Variants in ZNF804B observed in about 807,000 individuals in gnomAD.
ZNF804B encodes the protein zinc finger protein 804B.
Under a neutral mutation model 101.4 loss-of-function variants are expected in ZNF804B, and 80 were observed. The observed-to-expected ratio is 0.79, with a 90% confidence interval of 0.66 to 0.95. The LOEUF is 0.95. Among genes scored for constraint, ZNF804B ranks in the 40% least tolerant of loss-of-function variants. The pLI, the probability that ZNF804B is intolerant of heterozygous loss-of-function variation, is 0.00. For missense variants in ZNF804B, 1,673 were observed against 1,561.9 expected, an observed-to-expected ratio of 1.07 and a Z score of -1.20; for synonymous variants, 622 against 558.8, an observed-to-expected ratio of 1.11 and a Z score of -1.59.
Position 89,338,054 on chromosome 7 carries a change from G to T in ZNF804B, c.*1022G>T, listed in dbSNP as rs375945025. 6.6e-6 allele frequency among the ~76,000 whole-genome samples: 1 copy of T among 152,016 alleles called. No individual in the cohort carries two copies. The highest frequency in any genetic ancestry group is 1.5e-5 in the Non-Finnish European group (1 of 67,964). ...AATGATGAATAAATTCACCATCCATGTAATGTTGCAAATAATTTCAAACAT... is the reference window on the plus strand; with the variant it reads ...AATGATGAATAAATTCACCATCCATTTAATGTTGCAAATAATTTCAAACAT... On this transcript the variant is annotated 3_prime_UTR_variant, in exon 4 of 4. Transcript: ENST00000333190.
chr7:88,975,841 A>G (rs1793608906), intron 1 of ZNF804B, among the ~76,000 whole-genome samples: 1 of 151,356 alleles, frequency 6.6e-6, no homozygotes, highest in African/African-American at 2.4e-5. Flanking sequence ...CCCAAAGTGC[A>G]TGCAACCAAA....
intron 1 of ZNF804B, among the ~76,000 whole-genome samples, chr7:89,093,942 T>C (rs1393297514): frequency 2.0e-5 from 3 of 152,218 alleles, no homozygotes; most frequent in African/African-American, 2.4e-5. Flanking sequence ...TCACTACTGA[T>C]TGGCAGCTTA....
chr7:89,066,266 C>T (rs563264130), intron 1 of ZNF804B, among the ~76,000 whole-genome samples: 33 of 152,088 alleles, frequency 2.2e-4, no homozygotes, highest in African/African-American at 7.9e-4. Flanking sequence ...GTAATGGCTT[C>T]CCAGGAGTAG....
intron 1 of ZNF804B, among the ~76,000 whole-genome samples, chr7:88,855,457 T>A (rs1437192571): frequency 7.9e-5 from 12 of 152,022 alleles, no homozygotes; most frequent in Non-Finnish European, 1.8e-4. Flanking sequence ...GGTTGTTTGT[T>A]TTTTTCTTGT....
At chr7:88,830,953 A>T (rs1456637599) in intron 1 of ZNF804B, among the ~76,000 whole-genome samples, 1 of 151,890 alleles carries the variant, frequency 6.6e-6, no homozygotes, top group Admixed American at 6.6e-5. Flanking sequence ...TTCTTTAAGC[A>T]TTAGGAATAT....
At chr7:89,100,682 C>G (rs1013161375) in intron 1 of ZNF804B, among the ~76,000 whole-genome samples, 7 of 151,902 alleles carry the variant, frequency 4.6e-5, no homozygotes, top group Admixed American at 3.3e-4. Flanking sequence ...TAAAAGAAGA[C>G]ACACAAATGG....
chr7:88,916,936 C>G (rs1366801870), intron 1 of ZNF804B, among the ~76,000 whole-genome samples: 4 of 151,970 alleles, frequency 2.6e-5, no homozygotes, highest in Non-Finnish European at 2.9e-5. Context: ...GGTCTAGAAG[C>G]TTTAAAATTA....
At chr7:88,891,505 C>A (rs1207642597) in intron 1 of ZNF804B, among the ~76,000 whole-genome samples, 1 of 152,076 alleles carries the variant, frequency 6.6e-6, no homozygotes, top group Non-Finnish European at 1.5e-5. Flanking sequence ...GTAATCCAAT[C>A]TGATAATCTC....
At chr7:89,063,405 T>C (rs1789406116) in intron 1 of ZNF804B, among the ~76,000 whole-genome samples, 1 of 151,998 alleles carries the variant, frequency 6.6e-6, no homozygotes, top group Non-Finnish European at 1.5e-5. Flanking sequence ...CAAAAGAAAA[T>C]AGGAACCTAG....
intron 1 of ZNF804B, among the ~76,000 whole-genome samples, chr7:88,819,350 C>T (rs1790937668): frequency 6.6e-6 from 1 of 152,004 alleles, no homozygotes; most frequent in Non-Finnish European, 1.5e-5. Flanking sequence ...AGGCTGGCCT[C>T]GAACTCCTGA....
intron 1 of ZNF804B, among the ~76,000 whole-genome samples, chr7:88,762,502 C>T (rs995015451): frequency 4.6e-5 from 7 of 152,116 alleles, no homozygotes; most frequent in Non-Finnish European, 1.0e-4. Flanking sequence ...TGTGTGTTTG[C>T]CTTCCTTACT....
At chr7:88,845,305 A>ACGCGCGCG (rs1316798473) in intron 1 of ZNF804B, among the ~76,000 whole-genome samples, 88 of 151,122 alleles carry the variant, frequency 5.8e-4, no homozygotes, top group Non-Finnish European at 1.1e-3. Flanking sequence ...GCGCGCGCAC[A>ACGCGCGCG]CACACACACA....
chr7:89,284,656 G>T (rs1790153674), intron 2 of ZNF804B, among the ~76,000 whole-genome samples: 1 of 152,164 alleles, frequency 6.6e-6, no homozygotes, highest in African/African-American at 2.4e-5. Context: ...CAACTTTTAT[G>T]TGGGGGCAGG....
chr7:89,270,715 A>G (rs1789879643), intron 2 of ZNF804B, among the ~76,000 whole-genome samples: 1 of 152,066 alleles, frequency 6.6e-6, no homozygotes, highest in Non-Finnish European at 1.5e-5. Context: ...CTATTTTTCC[A>G]TTTGTTTGTG....
chr7:88,872,320 G>C (rs1358112362), intron 1 of ZNF804B, among the ~76,000 whole-genome samples: 2 of 152,046 alleles, frequency 1.3e-5, no homozygotes, highest in Non-Finnish European at 2.9e-5. Flanking sequence ...GGGAGGCCAA[G>C]GCAGGAAAAT....
At chr7:89,070,643 A>G (rs1055203802) in intron 1 of ZNF804B, among the ~76,000 whole-genome samples, 2 of 152,172 alleles carry the variant, frequency 1.3e-5, no homozygotes, top group African/African-American at 4.8e-5. Flanking sequence ...ACAGAATGAG[A>G]TGCAGCATGT....
At chr7:89,159,278 T>C (rs1043097422) in intron 1 of ZNF804B, among the ~76,000 whole-genome samples, 3 of 152,304 alleles carry the variant, frequency 2.0e-5, no homozygotes, top group Non-Finnish European at 2.9e-5. Context: ...TGGGCTAGTG[T>C]CTACTGAAAC....
At chr7:89,042,937 G>T (rs939635281) in intron 1 of ZNF804B, among the ~76,000 whole-genome samples, 6 of 152,090 alleles carry the variant, frequency 3.9e-5, no homozygotes, top group African/African-American at 1.4e-4. Context: ...TGTTATGTAC[G>T]CAGGCCAATT....
chr7:89,289,400 G>A (rs531707463), intron 2 of ZNF804B, among the ~76,000 whole-genome samples: 1 of 152,128 alleles, frequency 6.6e-6, no homozygotes, highest in South Asian at 2.1e-4. Context: ...TAAAAATCAG[G>A]TGAGCACTCA....
Sources: allele counts gnomAD v4.1 joint callset (sites outside exome capture counted in the v4.1 genomes callset), GRCh38; gene constraint gnomAD v4.1.1; transcripts MANE v1.5; gene names NCBI Gene and HGNC (gene_info 2026-07-23, HGNC 2026-07-21).